The following CIZ1 variants were observed in gnomAD, a reference collection of about 807,000 sequenced individuals.
CIZ1 encodes CDKN1A interacting zinc finger protein 1, also known as cip1-interacting zinc finger protein.
In CIZ1, 58 loss-of-function variants were observed where a neutral mutation model predicts 118.6. The observed-to-expected ratio is 0.49, with a 90% confidence interval of 0.40 to 0.61. The LOEUF is 0.61. Ranked by LOEUF, CIZ1 falls within the 20% of genes least tolerant of loss-of-function variation. CIZ1 has a pLI of 0.00. For missense variants in CIZ1, 921 were observed against 1,115.9 expected, an observed-to-expected ratio of 0.83 and a Z score of 2.49; for synonymous variants, 448 against 443.4, an observed-to-expected ratio of 1.01 and a Z score of -0.13.
At chr9:128,192,977 C>A (rs1184437596), upstream of CIZ1, among the ~76,000 whole-genome samples, 1 of 152,198 alleles carries the variant, frequency 6.6e-6, no homozygotes, top group East Asian at 1.9e-4. Context: ...CGCGCAGACC[C>A]GGGCAGGCGG....
Position 128,177,725 on chromosome 9 carries a change from C to T in CIZ1, c.1659G>A (p.Leu553=), listed in dbSNP as rs1017703187. Residue 553 remains leucine (L), a synonymous_variant, in exon 10 of 17, where the codon CTG becomes CTA. Coordinates refer to ENST00000372938, the MANE Select transcript of CIZ1 (RefSeq NM_001131016.2). ...GAGGSLKVTI[L]QSSDSRAFST... ...TAAAGGCCCGGCTGTCACTGCTCTG[C>T]AGAATGGTGACCTTCAGGGAGCCCC... 5 of 1,607,108 alleles carry T rather than the reference C, an allele frequency of 3.1e-6. No homozygotes were observed. The highest frequency in any genetic ancestry group is 4.2e-6 in the Non-Finnish European group (5 of 1,176,980).
intron 14 of CIZ1, chr9:128,167,482 T>C: frequency 3.3e-6 from 1 of 306,198 alleles, no homozygotes; most frequent in Non-Finnish European, 6.0e-6. Context: ...ATAACAGCCC[T>C]CTATGGCTAC....
At chr9:128,180,874 C>G in intron 5 of CIZ1, 60 bp from the exon 6 acceptor site, 1 of 1,265,778 alleles carries the variant, frequency 7.9e-7, no homozygotes, top group Non-Finnish European at 1.1e-6. Context: ...TACCCCCTTG[C>G]CCAAGGGCAG....
At chr9:128,176,189 A>C (rs1043000082) in intron 11 of CIZ1, among the ~76,000 whole-genome samples, 162 bp downstream of exon 11, 2 of 152,238 alleles carry the variant, frequency 1.3e-5, no homozygotes, top group Non-Finnish European at 2.9e-5. Flanking sequence ...TGTTACAGGC[A>C]GGGAAAACTG....
chr9:128,189,530 A>G (rs940328736), intron 3 of CIZ1, among the ~76,000 whole-genome samples: 5 of 152,128 alleles, frequency 3.3e-5, no homozygotes, highest in African/African-American at 1.2e-4. Context: ...AATCAGGAGC[A>G]GCATCTTGGC....
chr9:128,181,917 C>T (rs1440194415), intron 5 of CIZ1, among the ~76,000 whole-genome samples: 1 of 152,236 alleles, frequency 6.6e-6, no homozygotes, highest in East Asian at 1.9e-4. Context: ...AGTGGTCACG[C>T]TCCTAGTCTG....
chr9:128,176,224 G>C, intron 11 of CIZ1, 127 bp downstream of exon 11: 3 of 1,191,952 alleles, frequency 2.5e-6, no homozygotes, highest in Admixed American at 2.2e-5. Context: ...ACAGTTAACA[G>C]TGTGAGGAGG....
intron 5 of CIZ1, among the ~76,000 whole-genome samples, chr9:128,181,775 G>T (rs924103203): frequency 1.3e-5 from 2 of 150,192 alleles, no homozygotes; most frequent in Non-Finnish European, 3.0e-5. Context: ...GGGGGGGGGG[G>T]GGGGGTCTCC....
chr9:128,176,765 G>A (rs1830903086), intron 10 of CIZ1, among the ~76,000 whole-genome samples: 1 of 152,148 alleles, frequency 6.6e-6, no homozygotes, highest in Admixed American at 6.5e-5. Flanking sequence ...GAGTAACACA[G>A]CTCACAGCAC....
In CIZ1 at chr9:128,166,443, T is replaced by C; in HGVS notation, c.2488-37A>G. 6.9e-7 allele frequency: 1 copy of C among 1,444,492 alleles called. No homozygotes were observed. The allele number at this position is 1,444,492 out of a possible 1,614,324, so 89.5% of individuals were successfully genotyped here. ...AGGTGCAGGTAAGGTCAGGGTCTCCTCCCTACATGGTATGCTCCTGGCCAG... is the reference window on the plus strand; with the variant it reads ...AGGTGCAGGTAAGGTCAGGGTCTCCCCCCTACATGGTATGCTCCTGGCCAG... On this transcript the variant is annotated intron_variant, in intron 16 of 16. Coordinates refer to ENST00000372938, the MANE Select transcript of CIZ1 (RefSeq NM_001131016.2). The surrounding 1 kb of genome is among the most constrained non-coding windows in gnomAD (Gnocchi z 4.4).
upstream of CIZ1, among the ~76,000 whole-genome samples, chr9:128,192,366 C>CA (rs57931082): frequency 0.96 from 133,316 of 139,506 alleles, 63,732 homozygotes; most frequent in East Asian, 0.98. Flanking sequence ...CAAGAGCTGT[C>CA]AAAAAAAAAA....
intron 12 of CIZ1, 90 bp downstream of exon 12, chr9:128,169,930 A>G: frequency 8.0e-7 from 1 of 1,248,228 alleles, no homozygotes; most frequent in Non-Finnish European, 1.1e-6. Context: ...GCAAAGAGGA[A>G]CGTTTACTTT....
intron 1 of CIZ1, chr9:128,199,834 A>C (rs1207919371): frequency 7.5e-6 from 1 of 133,004 alleles, no homozygotes; most frequent in Admixed American, 9.0e-5. Flanking sequence ...CCCAGGCTGG[A>C]GTGCATGGTG....
chr9:128,183,516 C>G (rs1564285337), intron 5 of CIZ1, among the ~76,000 whole-genome samples: 1 of 152,196 alleles, frequency 6.6e-6, no homozygotes, highest in Non-Finnish European at 1.5e-5. Context: ...TGCCCCTGCG[C>G]TGGAATACAC....
In CIZ1 at chr9:128,203,502, C is replaced by G. The variant is rs775423550; in HGVS notation, c.-6+684G>C. ...AACCGCGGCATGGAAGATCTCATCC[C>G]GCTGGTCAACCGGCTGCAAGACGCC... On this transcript the variant is annotated intron_variant, in intron 1 of 17. Coordinates refer to the CIZ1 transcript ENST00000372948. This position sits in a 1 kb window ranked among gnomAD's most constrained non-coding sequence, Gnocchi z 5.3. The G allele has an allele frequency of 1.3e-6, 2 of 1,534,452 alleles. 1 individual carries two copies. The highest frequency in any genetic ancestry group is 2.4e-5 in the South Asian group (2 of 82,766).
rs749941426 is a variant in CIZ1 at position 128,185,712 on chromosome 9, T to C, written c.423A>G (p.Gln141=). The C allele has an allele frequency of 1.9e-6, 3 of 1,611,252 alleles. No individual in the cohort carries two copies. In the South Asian group the frequency reaches 3.3e-5, roughly 18 times the overall value. ...GLAAPSLTPP[Q]LATPNLQQFF... ...ACTGTTGCAAATTTGGAGTGGCCAGTTGTGGGGGTGTGAGGCTGGGGGCTG... is the reference window on the plus strand; with the variant it reads ...ACTGTTGCAAATTTGGAGTGGCCAGCTGTGGGGGTGTGAGGCTGGGGGCTG... The change falls in exon 5 of 17, where the codon CAA becomes CAG. Residue 141 remains glutamine, a synonymous_variant. Coordinates refer to ENST00000372938, the MANE Select transcript of CIZ1 (RefSeq NM_001131016.2).
Position 128,166,724 on chromosome 9 carries a change from G to C in CIZ1, c.2487+35C>G. 6.2e-7 allele frequency: 1 copy of C among 1,613,962 alleles called. No individual in the cohort carries two copies. The highest frequency in any genetic ancestry group is 8.5e-7 in the Non-Finnish European group (1 of 1,179,902). On this transcript the variant is annotated intron_variant, in intron 16 of 16. Coordinates refer to ENST00000372938, the MANE Select transcript of CIZ1 (RefSeq NM_001131016.2). The surrounding 1 kb of genome is among the most constrained non-coding windows in gnomAD (Gnocchi z 4.4). Reference sequence around the variant, plus strand: ...CAGCTTGGATTAAGACTAAGTCTGTGGCCAGGGGAGGACAGGGCAGGATGT... The same window carrying C: ...CAGCTTGGATTAAGACTAAGTCTGTCGCCAGGGGAGGACAGGGCAGGATGT...
intron 1 of CIZ1, among the ~76,000 whole-genome samples, chr9:128,198,939 A>G (rs1833443941): frequency 6.6e-6 from 1 of 152,090 alleles, no homozygotes; most frequent in African/African-American, 2.4e-5. Flanking sequence ...GTAGGATGTA[A>G]ATATGGAAGC....
At chr9:128,202,087 A>G (rs1437721058) in intron 1 of CIZ1, among the ~76,000 whole-genome samples, 1 of 152,164 alleles carries the variant, frequency 6.6e-6, no homozygotes, top group African/African-American at 2.4e-5. Context: ...GTGGGTAAGG[A>G]CTTTGTCCGT....
Sources: allele counts gnomAD v4.1 joint callset (sites outside exome capture counted in the v4.1 genomes callset), GRCh38; gene constraint gnomAD v4.1.1; non-coding constraint Gnocchi (gnomAD v3.1); transcripts MANE v1.5; gene names NCBI Gene and HGNC (gene_info 2026-07-23, HGNC 2026-07-21).